The following NUFIP1 variants were observed in gnomAD, a reference collection of about 807,000 sequenced individuals.
NUFIP1 encodes the protein nuclear FMR1 interacting protein 1, also known as FMR1-interacting protein NUFIP1.
In NUFIP1, 38 loss-of-function variants were observed where a neutral mutation model predicts 56.2. The ratio of observed to expected loss-of-function variants is 0.68; its 90% confidence interval spans 0.52 to 0.89. The LOEUF (loss-of-function observed/expected upper bound fraction) is 0.89. NUFIP1 is among the 40% of genes least tolerant of loss of function. The pLI, the probability that NUFIP1 is intolerant of heterozygous loss-of-function variation, is 0.00. For synonymous variants in NUFIP1, 215 were observed against 212.4 expected (o/e 1.01, Z -0.10); for missense variants, 567 against 605.8 (o/e 0.94, Z 0.67).
At chr13:44,953,023 T>G (rs1476103910) in intron 7 of NUFIP1, among the ~76,000 whole-genome samples, 1 of 152,178 alleles carries the variant, frequency 6.6e-6, no homozygotes, top group African/African-American at 2.4e-5. Context: ...GATGTGCCCT[T>G]CTCATCACAA....
chr13:44,958,903 TATATAA>T (rs752491642), intron 7 of NUFIP1, among the ~76,000 whole-genome samples: 3 of 152,188 alleles, frequency 2.0e-5, no homozygotes, highest in Non-Finnish European at 4.4e-5. Flanking sequence ...AGGACAAACA[TATATAA>T]ATATAATCTA....
chr13:44,943,328 G>T, intron 9 of NUFIP1, 114 bp downstream of exon 9: 1 of 830,986 alleles, frequency 1.2e-6, no homozygotes, highest in Non-Finnish European at 1.9e-6. Context: ...CAAGGTCAAT[G>T]TGTCTCTGGT....
At chr13:44,970,631 G>C (rs1278086748) in intron 5 of NUFIP1, among the ~76,000 whole-genome samples, 1 of 152,130 alleles carries the variant, frequency 6.6e-6, no homozygotes, top group African/African-American at 2.4e-5. Context: ...AATTGAGAAT[G>C]ACAGGAATGT....
intron 4 of NUFIP1, among the ~76,000 whole-genome samples, chr13:44,979,661 A>G (rs1175036637): frequency 1.3e-5 from 2 of 152,214 alleles, no homozygotes; most frequent in East Asian, 3.8e-4. Flanking sequence ...GAGGTCCAAG[A>G]ATCAATTCTC....
intron 5 of NUFIP1, among the ~76,000 whole-genome samples, chr13:44,969,467 C>T (rs770535027): frequency 6.6e-6 from 1 of 152,194 alleles, no homozygotes; most frequent in East Asian, 1.9e-4. Flanking sequence ...AAGCTTAGTC[C>T]AATATCTCCT....
intron 5 of NUFIP1, among the ~76,000 whole-genome samples, chr13:44,967,831 A>T (rs563030447): frequency 6.6e-6 from 1 of 152,338 alleles, no homozygotes; most frequent in East Asian, 1.9e-4. Context: ...TTCTAGGAGT[A>T]TAAAAAACAT....
intron 6 of NUFIP1, among the ~76,000 whole-genome samples, chr13:44,963,625 C>T (rs987919727): frequency 6.6e-6 from 1 of 152,150 alleles, no homozygotes; most frequent in Non-Finnish European, 1.5e-5. Context: ...TTTCCTTACT[C>T]ATTAAGTTAA....
rs1871027418 is a variant in NUFIP1, at chr13:44,949,790, A to G, written c.1070T>C (p.Val357Ala). The change falls in exon 8 of 10, where the codon GTG becomes GCG. Residue 357 changes from valine (V) to alanine (A), a missense_variant. By Grantham distance (64) the Val-to-Ala change is moderately conservative. Transcript: ENST00000379161. The part of the protein sequence containing the change: ...KPQHSVIPKE[V>A]TPALCSLMSS... ...CATTAGTGAGCATAGGGCTGGTGTC[A>G]CTTCCTTGGGTATCACAGAATGTTG... is the stretch of plus-strand genomic sequence containing the variant. The G allele has an allele frequency of 1.9e-6, 3 of 1,614,050 alleles. No individual in the cohort carries two copies. The South Asian group carries it at 3.3e-5, about 18-fold the overall frequency.
chr13:44,972,949 T>A (rs530770283), intron 5 of NUFIP1, among the ~76,000 whole-genome samples: 1 of 152,374 alleles, frequency 6.6e-6, no homozygotes, highest in African/African-American at 2.4e-5. Context: ...ACTAAACTAT[T>A]GTCAAGAAGT....
Position 44,979,952 on chromosome 13 carries a change from A to G in NUFIP1, c.595T>C (p.Cys199Arg). ...YDKHMSEHTK[C>R]PELDCSFTAH... is the part of the protein sequence containing the mutation. ...GTAAAAGAGCAATCTAATTCAGGGC[A>G]CTATGAGTTTTTAAAAGAAAAAAAA... Residue 199 changes from cysteine to arginine, a missense_variant and splice_region_variant, in exon 4 of 10, where the codon TGC becomes CGC. Coordinates refer to ENST00000379161, the MANE Select transcript of NUFIP1 (RefSeq NM_012345.3). 1.9e-6 allele frequency: 3 copies of G among 1,593,648 alleles called. No individual in the cohort carries two copies. The highest frequency in any genetic ancestry group is 2.6e-6 in the Non-Finnish European group (3 of 1,173,406).
At chr13:44,941,905 T>C (rs1305639830) in intron 9 of NUFIP1, among the ~76,000 whole-genome samples, 1 of 151,448 alleles carries the variant, frequency 6.6e-6, no homozygotes, top group Non-Finnish European at 1.5e-5. Flanking sequence ...GGTTTAAACG[T>C]CTGCGATTCT....
chr13:44,951,984 G>A (rs1454577648), intron 7 of NUFIP1, among the ~76,000 whole-genome samples: 4 of 152,146 alleles, frequency 2.6e-5, no homozygotes, highest in Non-Finnish European at 5.9e-5. Flanking sequence ...TGCCTTGACT[G>A]CTATTCCCTT....
At chr13:44,943,250 T>C (rs1359393988) in intron 9 of NUFIP1, among the ~76,000 whole-genome samples, 192 bp downstream of exon 9, 2 of 152,146 alleles carry the variant, frequency 1.3e-5, no homozygotes, top group Non-Finnish European at 2.9e-5. Context: ...AAAATTACAT[T>C]ATTCCACATT....
chr13:44,960,548 T>C (rs894160558), intron 6 of NUFIP1, among the ~76,000 whole-genome samples: 3 of 152,182 alleles, frequency 2.0e-5, no homozygotes, highest in Non-Finnish European at 4.4e-5. Context: ...ATTATAGGCA[T>C]GAGCCACTAC....
In NUFIP1 at chr13:44,989,402, A is replaced by C; in HGVS notation, c.35T>G (p.Ile12Ser). 1 of 1,613,612 alleles carries C rather than the reference A, an allele frequency of 6.2e-7. No homozygotes were observed. Among genetic ancestry groups the C allele is most frequent in the Non-Finnish European group, 8.5e-7 (1 of 1,179,884 alleles). The change falls in exon 1 of 10, where the codon ATC becomes AGC. Residue 12 changes from isoleucine to serine, a missense_variant. Ile to Ser is a moderately radical substitution (Grantham distance 142). Transcript: ENST00000379161. Reference sequence around the variant, plus strand: ...CAGCTCGGGAGACGCATGCCACCCGATAGGAGTCTCGAAATCACTAGTCGG... The same window carrying C: ...CAGCTCGGGAGACGCATGCCACCCGCTAGGAGTCTCGAAATCACTAGTCGG... ...AEPTSDFETP[I>S]GWHASPELTP...
At chr13:44,976,238 T>C (rs951931735) in intron 5 of NUFIP1, among the ~76,000 whole-genome samples, 1 of 151,814 alleles carries the variant, frequency 6.6e-6, no homozygotes, top group Non-Finnish European at 1.5e-5. Context: ...AGAAACGAAG[T>C]GGAGTTAACT....
chr13:44,949,199 A>ATTTTTT (rs11421255), intron 8 of NUFIP1, among the ~76,000 whole-genome samples: 210 of 112,590 alleles, frequency 1.9e-3, no homozygotes, highest in Non-Finnish European at 2.2e-3. Flanking sequence ...ATTATATTGT[A>ATTTTTT]TTTTTTTTTT....
At chr13:44,971,777 C>T (rs1411518624) in intron 5 of NUFIP1, among the ~76,000 whole-genome samples, 1 of 152,200 alleles carries the variant, frequency 6.6e-6, no homozygotes. Flanking sequence ...CTTCTTTCTG[C>T]CTATTCTGTG....
chr13:44,987,491 T>C (rs1566066551), intron 1 of NUFIP1, among the ~76,000 whole-genome samples: 3 of 152,166 alleles, frequency 2.0e-5, no homozygotes, highest in Non-Finnish European at 2.9e-5. Context: ...ATAATGGTAT[T>C]GCACACTTAC....
Sources: allele counts gnomAD v4.1 joint callset (sites outside exome capture counted in the v4.1 genomes callset), GRCh38; gene constraint gnomAD v4.1.1; transcripts MANE v1.5; gene names NCBI Gene and HGNC (gene_info 2026-07-23, HGNC 2026-07-21).